ADAM23: variants seen among roughly 807,000 people sequenced by gnomAD.
ADAM23 encodes disintegrin and metalloproteinase domain-containing protein 23.
In ADAM23, 33 loss-of-function variants were observed where a neutral mutation model predicts 120.1. The ratio of observed to expected loss-of-function variants is 0.27; its 90% CI spans 0.21 to 0.37. The LOEUF is 0.37. Among genes scored for constraint, ADAM23 ranks in the 10% least tolerant of loss-of-function variants. The pLI is 1.00. For missense variants in ADAM23, 862 were observed against 1,058.2 expected (o/e 0.81, Z 2.57); for synonymous variants, 367 against 375.2 (o/e 0.98, Z 0.25).
chr2:206,557,545 T>G, intron 10 of ADAM23, 47 bp downstream of exon 10: 1 of 1,480,658 alleles, frequency 6.8e-7, no homozygotes, highest in African/African-American at 1.4e-5. Flanking sequence ...ATGGAATGGT[T>G]TATCTCTATT....
At chr2:206,599,502 T>TA (rs1698596125) in intron 24 of ADAM23, among the ~76,000 whole-genome samples, 1 of 152,178 alleles carries the variant, frequency 6.6e-6, no homozygotes, top group Non-Finnish European at 1.5e-5. Context: ...AACCTCTATT[T>TA]AAAAAATCTA....
chr2:206,493,937 A>G (rs1696184252), intron 3 of ADAM23, among the ~76,000 whole-genome samples: 1 of 152,134 alleles, frequency 6.6e-6, no homozygotes, highest in African/African-American at 2.4e-5. Context: ...AATCTCCAGG[A>G]TTTCTTGTTT....
chr2:206,585,768 A>G (rs1384303534), intron 18 of ADAM23, among the ~76,000 whole-genome samples: 1 of 152,210 alleles, frequency 6.6e-6, no homozygotes, highest in African/African-American at 2.4e-5. Flanking sequence ...AACAATGAAC[A>G]AACAAGTAAG....
chr2:206,554,782 C>T (rs897591385), intron 9 of ADAM23, among the ~76,000 whole-genome samples: 5 of 151,986 alleles, frequency 3.3e-5, no homozygotes, highest in African/African-American at 9.7e-5. Flanking sequence ...TTGTTTTAGG[C>T]GAAACACTTA....
At chr2:206,497,576 C>G (rs1278183426) in intron 3 of ADAM23, among the ~76,000 whole-genome samples, 2 of 152,048 alleles carry the variant, frequency 1.3e-5, no homozygotes, top group Non-Finnish European at 2.9e-5. Flanking sequence ...GGAAGCATTC[C>G]CTTTGAAAAC....
intron 2 of ADAM23, among the ~76,000 whole-genome samples, chr2:206,465,062 T>C (rs755997395): frequency 6.6e-6 from 1 of 152,130 alleles, no homozygotes; most frequent in Non-Finnish European, 1.5e-5. Context: ...TTGTTTTTCT[T>C]AGAGATGGGT....
intron 2 of ADAM23, among the ~76,000 whole-genome samples, chr2:206,450,348 C>T (rs1322395742): frequency 6.6e-6 from 1 of 152,152 alleles, no homozygotes. Context: ...TCCAGGTCTT[C>T]CTAAGCAGTC....
chr2:206,546,135 T>C (rs1403111575), intron 6 of ADAM23, among the ~76,000 whole-genome samples: 4 of 152,206 alleles, frequency 2.6e-5, no homozygotes, highest in African/African-American at 7.2e-5. Flanking sequence ...ACATGCAAAT[T>C]GCCTTCTCTT....
At chr2:206,611,331 T>G (rs1202555750) in intron 25 of ADAM23, among the ~76,000 whole-genome samples, 1 of 152,186 alleles carries the variant, frequency 6.6e-6, no homozygotes. Flanking sequence ...ATATTTAAAT[T>G]TATTGTTTTG....
At chr2:206,469,586 A>T (rs1559221120) in intron 2 of ADAM23, among the ~76,000 whole-genome samples, 1 of 152,216 alleles carries the variant, frequency 6.6e-6, no homozygotes, top group Non-Finnish European at 1.5e-5. Context: ...AGTGAATTTT[A>T]AAAAATGGAA....
intron 3 of ADAM23, among the ~76,000 whole-genome samples, chr2:206,518,350 G>A (rs1321178160): frequency 1.3e-5 from 2 of 152,208 alleles, no homozygotes; most frequent in African/African-American, 4.8e-5. Context: ...TAATTAGCCT[G>A]GAGTAGATTA....
intron 25 of ADAM23, among the ~76,000 whole-genome samples, chr2:206,615,340 A>G (rs1157320453): frequency 1.3e-5 from 2 of 152,220 alleles, no homozygotes; most frequent in Non-Finnish European, 2.9e-5. Flanking sequence ...TCAGAATCCT[A>G]GTGAGCGGAG....
At position 206,573,121 on chromosome 2, in the gene ADAM23, C is replaced by G. The variant is rs752516296; in HGVS notation, c.1663C>G (p.Pro555Ala). The G allele has an allele frequency of 1.9e-6, 3 of 1,613,830 alleles. No individual in the cohort carries two copies. Among genetic ancestry groups the G allele is most frequent in the Non-Finnish European group, 2.5e-6 (3 of 1,179,834 alleles). Reference protein sequence around the residue: ...CCNNTSCLFQPRGYECRDAVN... With the variant: ...CCNNTSCLFQARGYECRDAVN... ...ATTGAATTTTGATTTGCAGTTTCAGCCACGAGGGTATGAATGCCGGGATGC... is the reference window on the plus strand; with the variant it reads ...ATTGAATTTTGATTTGCAGTTTCAGGCACGAGGGTATGAATGCCGGGATGC... Residue 555 changes from proline (P) to alanine (A), a missense_variant, in exon 18 of 26, where the codon CCA (proline) becomes GCA (alanine). Pro to Ala is a conservative substitution (Grantham distance 27). Coordinates refer to ENST00000264377, the MANE Select transcript of ADAM23 (RefSeq NM_003812.4).
intron 3 of ADAM23, among the ~76,000 whole-genome samples, chr2:206,522,216 TTTG>T (rs1311012681): frequency 6.6e-6 from 1 of 152,008 alleles, no homozygotes; most frequent in Non-Finnish European, 1.5e-5. Flanking sequence ...ACATATAAAA[TTTG>T]TTGTTGTTAG....
intron 25 of ADAM23, among the ~76,000 whole-genome samples, chr2:206,612,702 T>C (rs1698849054): frequency 6.6e-6 from 1 of 152,230 alleles, no homozygotes; most frequent in Non-Finnish European, 1.5e-5. Context: ...AGCTATGCTC[T>C]AAGCCCTGAC....
intron 25 of ADAM23, among the ~76,000 whole-genome samples, chr2:206,615,592 C>T (rs1175282771): frequency 6.6e-6 from 1 of 152,188 alleles, no homozygotes; most frequent in Non-Finnish European, 1.5e-5. Context: ...GAGGAGCTCA[C>T]TTTCCCCCTG....
At chr2:206,583,590 G>A (rs1386842593) in intron 18 of ADAM23, among the ~76,000 whole-genome samples, 1 of 151,886 alleles carries the variant, frequency 6.6e-6, no homozygotes, top group East Asian at 1.9e-4. Context: ...TGTTGGATGG[G>A]GTTAATTCGA....
At chr2:206,499,853 T>C (rs1696351485) in intron 3 of ADAM23, among the ~76,000 whole-genome samples, 1 of 152,016 alleles carries the variant, frequency 6.6e-6, no homozygotes, top group Admixed American at 6.6e-5. Flanking sequence ...CAGTGAACTA[T>C]GAAAAAATGA....
Position 206,617,850 on chromosome 2 carries a change from G to A in ADAM23, c.*223G>A, listed in dbSNP as rs769203221. 5.3e-5 allele frequency: 46 copies of A among 870,266 alleles called. No individual in the cohort carries two copies. Among genetic ancestry groups the A allele is most frequent in the Non-Finnish European group, 6.9e-5 (44 of 635,316 alleles). 53.9% of individuals were successfully genotyped at this position (870,266 alleles called of 1,614,324 possible). A position where few individuals can be genotyped will look rare whatever the true frequency, so the allele number is the denominator to read the frequency against. ...CACCTGTCAGTAAACGGGGGAGGGGGCAAAAGACCATGCTATAAAAAGAAC... is the reference window on the plus strand; with the variant it reads ...CACCTGTCAGTAAACGGGGGAGGGGACAAAAGACCATGCTATAAAAAGAAC... On this transcript the variant is annotated 3_prime_UTR_variant, in exon 26 of 26. Coordinates refer to ENST00000264377, the MANE Select transcript of ADAM23 (RefSeq NM_003812.4).
Sources: gnomAD v4.1 joint callset for allele counts (sites outside exome capture counted in the v4.1 genomes callset) on GRCh38, gnomAD v4.1.1 for gene constraint, MANE v1.5 for transcripts, NCBI Gene and HGNC (gene_info 2026-07-23, HGNC 2026-07-21) for gene names.